The following XKR6 variants were observed in gnomAD, a reference collection of about 807,000 sequenced individuals.
XKR6 encodes XK related 6.
A neutral mutation model predicts 56.7 loss-of-function variants in XKR6; 22 were observed. That is an observed-to-expected ratio of 0.39 (90% confidence interval 0.28 to 0.55). XKR6 has a LOEUF of 0.55. Ranked by LOEUF, XKR6 falls within the 20% of genes least tolerant of loss-of-function variation. The pLI, the probability that XKR6 is intolerant of heterozygous loss-of-function variation, is 0.66. For synonymous variants in XKR6, 524 were observed against 387.8 expected, an observed-to-expected ratio of 1.35 and a Z score of -4.13; for missense variants, 852 against 889.0, an observed-to-expected ratio of 0.96 and a Z score of 0.53.
intron 1 of XKR6, among the ~76,000 whole-genome samples, chr8:11,066,622 G>C (rs1278396661): frequency 6.6e-6 from 1 of 152,178 alleles, no homozygotes; most frequent in Non-Finnish European, 1.5e-5. Flanking sequence ...AGCTCACGAG[G>C]CCAGTCCTGA....
At chr8:11,027,765 G>A (rs373978172) in intron 1 of XKR6, among the ~76,000 whole-genome samples, 10 of 152,162 alleles carry the variant, frequency 6.6e-5, no homozygotes, top group African/African-American at 9.7e-5. Context: ...GGTACTCCGT[G>A]TGTTCAACAA....
chr8:10,909,183 G>T (rs1800276441), intron 2 of XKR6, among the ~76,000 whole-genome samples: 1 of 147,194 alleles, frequency 6.8e-6, no homozygotes, highest in Admixed American at 6.7e-5. Context: ...AAAAAAAATA[G>T]TTTGGCCTGA....
intron 1 of XKR6, among the ~76,000 whole-genome samples, chr8:10,938,583 G>T (rs6984496): frequency 0.55 from 83,441 of 152,110 alleles, 24,976 homozygotes; most frequent in African/African-American, 0.75. Flanking sequence ...TTATCCTAAA[G>T]GAGTGAAGTC....
At chr8:10,948,889 C>T (rs1163734090) in intron 1 of XKR6, among the ~76,000 whole-genome samples, 3 of 152,216 alleles carry the variant, frequency 2.0e-5, no homozygotes, top group Non-Finnish European at 2.9e-5. Context: ...CACAGCACCA[C>T]CCAGGGTGGC....
At chr8:10,951,195 G>A (rs993230680) in intron 1 of XKR6, among the ~76,000 whole-genome samples, 1 of 152,152 alleles carries the variant, frequency 6.6e-6, no homozygotes, top group Non-Finnish European at 1.5e-5. Context: ...TCCAGGCAGA[G>A]GTAGACAGTG....
At chr8:11,057,044 G>A (rs553870077) in intron 1 of XKR6, among the ~76,000 whole-genome samples, 2 of 152,354 alleles carry the variant, frequency 1.3e-5, no homozygotes, top group South Asian at 4.1e-4. Context: ...GTGCAGCCAT[G>A]TCACCATCTT....
intron 1 of XKR6, among the ~76,000 whole-genome samples, chr8:11,006,527 A>C (rs1283618733): frequency 1.3e-5 from 2 of 152,186 alleles, no homozygotes; most frequent in East Asian, 1.9e-4. Context: ...TAAACCACCA[A>C]GTGGAATAGA....
intron 1 of XKR6, among the ~76,000 whole-genome samples, chr8:11,099,669 T>C (rs532712405): frequency 2.6e-5 from 4 of 152,324 alleles, no homozygotes; most frequent in African/African-American, 4.8e-5. Flanking sequence ...AAATATTATA[T>C]AGGTATTGAA....
chr8:11,190,418 AC>A, intron 1 of XKR6, among the ~76,000 whole-genome samples: 1 of 152,300 alleles, frequency 6.6e-6, no homozygotes, highest in South Asian at 2.1e-4. Context: ...GGTATGCCAA[AC>A]CTACATATTC....
At chr8:11,169,923 A>G (rs906119650) in intron 1 of XKR6, among the ~76,000 whole-genome samples, 2 of 152,106 alleles carry the variant, frequency 1.3e-5, no homozygotes, top group African/African-American at 4.8e-5. Flanking sequence ...TTTTAATATA[A>G]AAAAGTGGGG....
At chr8:11,179,559 C>A (rs867836732) in intron 1 of XKR6, among the ~76,000 whole-genome samples, 2 of 152,134 alleles carry the variant, frequency 1.3e-5, no homozygotes, top group South Asian at 4.1e-4. Flanking sequence ...GTCTCTCCTC[C>A]CTCAAAACAC....
intron 1 of XKR6, among the ~76,000 whole-genome samples, chr8:11,094,083 CT>C (rs35652292): frequency 1.5e-3 from 212 of 137,646 alleles, no homozygotes; most frequent in Admixed American, 1.7e-3. Flanking sequence ...CGCGCCCGGC[CT>C]TTTTTTTTTT....
At chr8:11,044,137 TGACCGTG>T (rs1412629506) in intron 1 of XKR6, among the ~76,000 whole-genome samples, 5 of 152,220 alleles carry the variant, frequency 3.3e-5, no homozygotes, top group African/African-American at 1.2e-4. Flanking sequence ...ATAAGACCAC[TGACCGTG>T]GACTGGTTCT....
At chr8:11,023,688 G>A (rs1038349895) in intron 1 of XKR6, among the ~76,000 whole-genome samples, 6 of 152,222 alleles carry the variant, frequency 3.9e-5, no homozygotes, top group African/African-American at 1.4e-4. Flanking sequence ...ACCCCACAGC[G>A]AGGGACTGCT....
At chr8:11,099,930 T>C (rs2409699) in intron 1 of XKR6, among the ~76,000 whole-genome samples, 12,005 of 152,124 alleles carry the variant, frequency 0.079, 639 homozygotes, top group African/African-American at 0.15. Context: ...AGGAGCATCC[T>C]AGACAAAGCG....
At chr8:10,996,692 C>T (rs891658540) in intron 1 of XKR6, among the ~76,000 whole-genome samples, 9 of 152,130 alleles carry the variant, frequency 5.9e-5, no homozygotes, top group African/African-American at 2.2e-4. Flanking sequence ...AAAAAAGGGG[C>T]TGGCTTTAGG....
chr8:11,114,743 G>A (rs868423580), intron 1 of XKR6, among the ~76,000 whole-genome samples: 4,421 of 132,638 alleles, frequency 0.033, 148 homozygotes, highest in African/African-American at 0.071. Context: ...GTGTGTGTGT[G>A]TGTGTGTGTG....
chr8:11,107,147 C>T (rs1798709076), intron 1 of XKR6, among the ~76,000 whole-genome samples: 1 of 151,270 alleles, frequency 6.6e-6, no homozygotes, highest in Non-Finnish European at 1.5e-5. Context: ...AGGAACTGTA[C>T]TATGATTACT....
intron 1 of XKR6, among the ~76,000 whole-genome samples, chr8:11,160,911 C>CA (rs33931830): frequency 0.046 from 2,929 of 63,150 alleles, 263 homozygotes; most frequent in African/African-American, 0.13. Flanking sequence ...GACTCCGTCT[C>CA]AAAAAAAAAA....
Sources: allele counts gnomAD v4.1 joint callset (sites outside exome capture counted in the v4.1 genomes callset), GRCh38; gene constraint gnomAD v4.1.1; transcripts MANE v1.5; gene names NCBI Gene and HGNC (gene_info 2026-07-23, HGNC 2026-07-21).